Variants in CSMD3 observed in about 807,000 individuals in gnomAD.
The protein encoded by CSMD3 is CUB and sushi domain-containing protein 3.
In CSMD3, 177 loss-of-function variants were observed where a neutral mutation model predicts 435.2. The observed-to-expected ratio is 0.41, with a 90% CI of 0.36 to 0.46. The LOEUF is 0.46. CSMD3 is among the 20% of genes least tolerant of loss of function. The pLI is 0.34. For missense variants in CSMD3, 4,265 were observed against 4,504.6 expected (o/e 0.95, Z 1.52); for synonymous variants, 1,656 against 1,520.5 (o/e 1.09, Z -2.07).
intron 1 of CSMD3, among the ~76,000 whole-genome samples, chr8:113,413,412 A>C (rs2094568169): frequency 6.6e-6 from 1 of 152,062 alleles, no homozygotes; most frequent in African/African-American, 2.4e-5. Flanking sequence ...ACTATTGCAA[A>C]TTTGTTTAAA....
chr8:112,500,064 G>A (rs949860049), intron 30 of CSMD3, among the ~76,000 whole-genome samples: 2 of 151,814 alleles, frequency 1.3e-5, no homozygotes, highest in African/African-American at 4.8e-5. Flanking sequence ...AACCGGGATC[G>A]CACCACTGCA....
chr8:113,149,365 T>C (rs561544373), intron 4 of CSMD3, among the ~76,000 whole-genome samples: 3 of 151,974 alleles, frequency 2.0e-5, no homozygotes, highest in South Asian at 2.1e-4. Flanking sequence ...ATTATTTTTT[T>C]ACTTACTAAT....
chr8:112,788,447 C>G (rs932671092), intron 13 of CSMD3, among the ~76,000 whole-genome samples: 5 of 152,098 alleles, frequency 3.3e-5, no homozygotes, highest in Admixed American at 2.6e-4. Flanking sequence ...GTTCCCACCT[C>G]CTACTTAGCC....
intron 3 of CSMD3, among the ~76,000 whole-genome samples, chr8:113,272,118 G>T (rs1283984524): frequency 6.6e-6 from 1 of 152,092 alleles, no homozygotes; most frequent in African/African-American, 2.4e-5. Flanking sequence ...GCTTGCTTTT[G>T]ATTTTATGGG....
intron 5 of CSMD3, among the ~76,000 whole-genome samples, chr8:113,073,626 T>C (rs1331195286): frequency 2.0e-5 from 3 of 151,874 alleles, no homozygotes; most frequent in Admixed American, 1.3e-4. Flanking sequence ...TGTCTCATGC[T>C]TTCTCCTGAA....
chr8:112,876,239 C>G (rs2081278566), intron 10 of CSMD3, among the ~76,000 whole-genome samples: 1 of 152,072 alleles, frequency 6.6e-6, no homozygotes, highest in Admixed American at 6.6e-5. Flanking sequence ...TAGCCAAACT[C>G]TATCAGAGGT....
At chr8:113,381,582 C>T (rs2094415815) in intron 1 of CSMD3, among the ~76,000 whole-genome samples, 1 of 151,604 alleles carries the variant, frequency 6.6e-6, no homozygotes, top group Admixed American at 6.6e-5. Flanking sequence ...ATTTATTAAG[C>T]AAACATTCAA....
chr8:112,678,037 A>T (rs2075805995), intron 16 of CSMD3, among the ~76,000 whole-genome samples: 1 of 152,162 alleles, frequency 6.6e-6, no homozygotes, highest in South Asian at 2.1e-4. Flanking sequence ...TTAAGCACAT[A>T]TTTATCTATA....
intron 9 of CSMD3, among the ~76,000 whole-genome samples, chr8:112,928,830 A>T (rs1260016609): frequency 6.7e-6 from 1 of 149,122 alleles, no homozygotes; most frequent in Non-Finnish European, 1.5e-5. Context: ...GTCAAATGGT[A>T]TTTCTAGTTC....
chr8:112,262,180 G>C (rs1816471734), intron 61 of CSMD3, among the ~76,000 whole-genome samples: 1 of 151,552 alleles, frequency 6.6e-6, no homozygotes, highest in Admixed American at 6.6e-5. Flanking sequence ...ATTTGTTGTG[G>C]GTGTGTGTAT....
intron 13 of CSMD3, among the ~76,000 whole-genome samples, chr8:112,784,142 G>A (rs945787833): frequency 6.6e-6 from 1 of 151,756 alleles, no homozygotes; most frequent in African/African-American, 2.4e-5. Context: ...ATAACAAGAG[G>A]ATAAATACAT....
intron 6 of CSMD3, among the ~76,000 whole-genome samples, chr8:112,979,390 T>C (rs2084966034): frequency 6.6e-6 from 1 of 151,694 alleles, no homozygotes; most frequent in African/African-American, 2.4e-5. Flanking sequence ...TTTATTTTAA[T>C]ATTAATGGTT....
chr8:112,589,082 T>A (rs1237473014), intron 22 of CSMD3, among the ~76,000 whole-genome samples: 1 of 152,198 alleles, frequency 6.6e-6, no homozygotes, highest in Admixed American at 6.5e-5. Context: ...ATGGTTTTAG[T>A]TCTTCTCTGT....
intron 13 of CSMD3, among the ~76,000 whole-genome samples, chr8:112,728,632 T>C (rs1001893321): frequency 9.9e-5 from 15 of 152,086 alleles, no homozygotes; most frequent in Admixed American, 8.5e-4. Flanking sequence ...CCATAATGTA[T>C]TTTGCCATGA....
chr8:113,146,049 T>G (rs1415021613), intron 4 of CSMD3, among the ~76,000 whole-genome samples: 2 of 151,316 alleles, frequency 1.3e-5, no homozygotes, highest in Admixed American at 6.6e-5. Context: ...ATTTCTCAGT[T>G]AAAGAACCTG....
intron 27 of CSMD3, among the ~76,000 whole-genome samples, 163 bp downstream of exon 27, chr8:112,550,508 C>T (rs1450949865): frequency 6.6e-6 from 1 of 151,634 alleles, no homozygotes; most frequent in Non-Finnish European, 1.5e-5. Flanking sequence ...TTACCTTTTT[C>T]CCATGTATAT....
intron 63 of CSMD3, among the ~76,000 whole-genome samples, 159 bp downstream of exon 63, chr8:112,254,094 C>A (rs1306900747): frequency 2.0e-5 from 3 of 151,530 alleles, no homozygotes; most frequent in African/African-American, 7.3e-5. Context: ...TTTCTAATTT[C>A]CTTTACTTCC....
At chr8:112,886,399 A>G (rs1387390365) in intron 10 of CSMD3, among the ~76,000 whole-genome samples, 2 of 151,196 alleles carry the variant, frequency 1.3e-5, no homozygotes, top group South Asian at 2.1e-4. Context: ...TTTAAAGTCT[A>G]AAGAAGGCTA....
chr8:112,237,122 A>C, intron 67 of CSMD3, 68 bp downstream of exon 67: 1 of 1,509,608 alleles, frequency 6.6e-7, no homozygotes, highest in Non-Finnish European at 9.2e-7. Flanking sequence ...AGCATTACTA[A>C]AAATGATGAA....
Sources: allele counts gnomAD v4.1 joint callset (sites outside exome capture counted in the v4.1 genomes callset), GRCh38; gene constraint gnomAD v4.1.1; transcripts MANE v1.5; gene names NCBI Gene and HGNC (gene_info 2026-07-23, HGNC 2026-07-21).